LRRC4C: variants seen among roughly 807,000 people sequenced by gnomAD.
The protein encoded by LRRC4C is leucine-rich repeat-containing protein 4C.
In LRRC4C, 5 loss-of-function variants were observed where a neutral mutation model predicts 33.6. The observed-to-expected ratio is 0.15, with a 90% CI of 0.08 to 0.31. The LOEUF (loss-of-function observed/expected upper bound fraction) is 0.31, where lower values mean the gene tolerates loss of function less well. LRRC4C is among the 10% of genes least tolerant of loss of function. The probability of loss-of-function intolerance (pLI) is 1.00; values close to 1 mark genes in which losing one functional copy is unlikely to be tolerated. For missense variants in LRRC4C, 560 were observed against 796.7 expected (o/e 0.70, Z 3.58); for synonymous variants, 329 against 302.0 (o/e 1.09, Z -0.93).
intron 2 of LRRC4C, among the ~76,000 whole-genome samples, chr11:40,724,000 A>T (rs1591554569): frequency 6.6e-6 from 1 of 151,706 alleles, no homozygotes. Context: ...AACAACATTA[A>T]AAAAAAAGAC....
intron 2 of LRRC4C, among the ~76,000 whole-genome samples, chr11:40,761,621 G>A (rs999456929): frequency 1.5e-4 from 23 of 152,090 alleles, no homozygotes; most frequent in African/African-American, 5.3e-4. Flanking sequence ...ACATTATACT[G>A]AGCAAGCAGC....
intron 2 of LRRC4C, among the ~76,000 whole-genome samples, chr11:40,815,979 C>T (rs7112665): frequency 0.012 from 1,827 of 152,242 alleles, 45 homozygotes; most frequent in African/African-American, 0.041. Context: ...TGCGATTTCA[C>T]GAAGTGAGTA....
At chr11:40,550,749 C>T (rs1591077976) in intron 3 of LRRC4C, among the ~76,000 whole-genome samples, 1 of 151,848 alleles carries the variant, frequency 6.6e-6, no homozygotes, top group African/African-American at 2.4e-5. Context: ...GCAGAAGGAC[C>T]ACCATGGGTT....
chr11:40,908,324 C>T (rs961032585), intron 2 of LRRC4C, among the ~76,000 whole-genome samples: 1 of 152,044 alleles, frequency 6.6e-6, no homozygotes, highest in Admixed American at 6.6e-5. Flanking sequence ...AAAAAGCATA[C>T]TTTCCTTCTT....
chr11:40,680,818 T>C (rs1944649944), intron 2 of LRRC4C, among the ~76,000 whole-genome samples: 3 of 152,196 alleles, frequency 2.0e-5, no homozygotes, highest in African/African-American at 7.2e-5. Flanking sequence ...ACATAATTTA[T>C]TAAACCCAAC....
intron 1 of LRRC4C, among the ~76,000 whole-genome samples, chr11:41,377,668 C>T (rs191053150): frequency 4.1e-4 from 62 of 152,256 alleles, no homozygotes; most frequent in African/African-American, 1.2e-3. Flanking sequence ...ATAGATGATC[C>T]TTCAAATACA....
chr11:40,623,453 A>T (rs1962648941), intron 3 of LRRC4C, among the ~76,000 whole-genome samples: 1 of 151,910 alleles, frequency 6.6e-6, no homozygotes, highest in South Asian at 2.1e-4. Flanking sequence ...TATGAAAATA[A>T]TTTTTTGGTT....
intron 3 of LRRC4C, among the ~76,000 whole-genome samples, chr11:40,463,716 T>C (rs1000381085): frequency 3.3e-5 from 5 of 152,064 alleles, no homozygotes; most frequent in Non-Finnish European, 7.4e-5. Flanking sequence ...TTCAAATGCA[T>C]TAGAGCCACC....
intron 1 of LRRC4C, among the ~76,000 whole-genome samples, chr11:41,044,383 A>G (rs1451006242): frequency 6.6e-6 from 1 of 152,142 alleles, no homozygotes; most frequent in Non-Finnish European, 1.5e-5. Flanking sequence ...TCCCAATGTG[A>G]GCACATTCAG....
intron 1 of LRRC4C, among the ~76,000 whole-genome samples, chr11:41,284,266 AT>A (rs1389267878): frequency 6.6e-6 from 1 of 152,252 alleles, no homozygotes; most frequent in African/African-American, 2.4e-5. Context: ...AGAGACTGCT[AT>A]AACTATGGAA....
At chr11:40,460,624 TG>T (rs1952348532) in intron 3 of LRRC4C, among the ~76,000 whole-genome samples, 1 of 152,156 alleles carries the variant, frequency 6.6e-6, no homozygotes, top group South Asian at 2.1e-4. Flanking sequence ...CAGTAAGCTT[TG>T]GGAAATGACA....
chr11:40,797,537 T>C (rs1950883438), intron 2 of LRRC4C, among the ~76,000 whole-genome samples: 1 of 151,968 alleles, frequency 6.6e-6, no homozygotes, highest in Non-Finnish European at 1.5e-5. Context: ...AAAAAGAGAG[T>C]ATTTTATTAT....
At chr11:40,195,348 G>A (rs149660344) in intron 5 of LRRC4C, among the ~76,000 whole-genome samples, 180 of 152,282 alleles carry the variant, frequency 1.2e-3, no homozygotes, top group African/African-American at 4.2e-3. Flanking sequence ...CCTGCAATGT[G>A]TGGAATAAGA....
chr11:40,851,435 C>T (rs1953490170), intron 2 of LRRC4C, among the ~76,000 whole-genome samples: 1 of 152,036 alleles, frequency 6.6e-6, no homozygotes, highest in African/African-American at 2.4e-5. Context: ...AATGCCCCAC[C>T]CTGCTTCTGC....
At chr11:41,008,590 G>A (rs1412082121) in intron 1 of LRRC4C, among the ~76,000 whole-genome samples, 1 of 152,114 alleles carries the variant, frequency 6.6e-6, no homozygotes, top group Admixed American at 6.6e-5. Flanking sequence ...TTTCCAAAGA[G>A]TCTTTTGTGA....
intron 2 of LRRC4C, among the ~76,000 whole-genome samples, chr11:40,898,774 GAA>G (rs59844720): frequency 0.053 from 7,703 of 145,496 alleles, 260 homozygotes; most frequent in South Asian, 0.15. Flanking sequence ...ATTTGATAAA[GAA>G]AAAAAAAAAC....
intron 3 of LRRC4C, among the ~76,000 whole-genome samples, chr11:40,427,116 G>A (rs1350575054): frequency 2.6e-5 from 4 of 152,154 alleles, no homozygotes; most frequent in Admixed American, 2.6e-4. Flanking sequence ...AGTAAGCCTA[G>A]TATTCATAAT....
At chr11:40,982,704 G>A (rs753583008) in intron 1 of LRRC4C, among the ~76,000 whole-genome samples, 30 of 151,968 alleles carry the variant, frequency 2.0e-4, no homozygotes, top group Non-Finnish European at 4.1e-4. Context: ...TTTGCAAGAT[G>A]TGCAGGTTTA....
chr11:40,387,088 G>T (rs1361825620), intron 3 of LRRC4C, among the ~76,000 whole-genome samples: 1 of 152,026 alleles, frequency 6.6e-6, no homozygotes, highest in African/African-American at 2.4e-5. Context: ...TTCTGCATTC[G>T]ATTGTAGGAT....
Sources: gnomAD v4.1 joint callset for allele counts (sites outside exome capture counted in the v4.1 genomes callset) on GRCh38, gnomAD v4.1.1 for gene constraint, MANE v1.5 for transcripts, NCBI Gene and HGNC (gene_info 2026-07-23, HGNC 2026-07-21) for gene names.